Variants in RIOK3 observed in about 807,000 individuals in gnomAD.
The protein encoded by RIOK3 is RIO kinase 3.
In RIOK3, 40 loss-of-function variants were observed where a neutral mutation model predicts 63.5. That is an observed-to-expected ratio of 0.63 (90% CI 0.49 to 0.82). RIOK3 has a LOEUF of 0.82. RIOK3 is among the 40% of genes least tolerant of loss of function. The pLI is 0.00. For missense variants in RIOK3, 557 were observed against 637.0 expected, an observed-to-expected ratio of 0.87 and a Z score of 1.35; for synonymous variants, 193 against 205.0, an observed-to-expected ratio of 0.94 and a Z score of 0.50.
intron 1 of RIOK3, among the ~76,000 whole-genome samples, chr18:23,459,166 T>G (rs1056940030): frequency 3.3e-5 from 5 of 152,238 alleles, no homozygotes; most frequent in Non-Finnish European, 4.4e-5. Flanking sequence ...TTGCCTCTTC[T>G]GACAAATTGT....
chr18:23,474,120 T>G lies in RIOK3; in HGVS notation c.1013+494T>G, dbSNP rs188438159. Among the ~76,000 whole-genome samples, 11 of 152,332 alleles carry G rather than the reference T, an allele frequency of 7.2e-5. No individual in the cohort carries two copies. In the East Asian group the frequency reaches 2.1e-3, roughly 29 times the overall value. ...GTAATAATCCTTCTCATTAAAAACCTTTCTATTATCTTAATTTATTAAAAG... is the reference window on the plus strand; with the variant it reads ...GTAATAATCCTTCTCATTAAAAACCGTTCTATTATCTTAATTTATTAAAAG... On this transcript the variant is annotated intron_variant, in intron 8 of 12. Coordinates refer to ENST00000339486, the MANE Select transcript of RIOK3 (RefSeq NM_003831.5).
At chr18:23,479,156 A>G in intron 11 of RIOK3, 161 bp from the exon 12 acceptor site, 2 of 531,570 alleles carry the variant, frequency 3.8e-6, no homozygotes, top group Non-Finnish European at 6.9e-6. Context: ...GGTTATTCCT[A>G]ATGATTCTGC....
Position 23,464,216 on chromosome 18 carries a change from C to T in RIOK3, c.336C>T (p.Ser112=). Residue 112 remains serine, a synonymous_variant, in exon 4 of 13, where the codon TCC becomes TCT. Transcript: ENST00000339486. ...TTTTTGCTTCTTAAGTTTCCATTTC[C>T]TTTGAAAATTATCGAAAAGTGCATC... is the stretch of plus-strand genomic sequence containing the variant. ...KFNGDSKVSI[S]FENYRKVHPY... 6.2e-7 allele frequency: 1 copy of T among 1,612,996 alleles called. No individual in the cohort carries two copies. The highest frequency in any genetic ancestry group is 8.5e-7 in the Non-Finnish European group (1 of 1,179,618).
At chr18:23,467,709 C>T (rs1192391225) in intron 7 of RIOK3, 183 bp downstream of exon 7, 1 of 331,934 alleles carries the variant, frequency 3.0e-6, no homozygotes, top group Admixed American at 4.8e-5. Context: ...ATACCACCAC[C>T]CAGAGATAAT....
At chr18:23,472,469 A>G (rs2057462667) in intron 7 of RIOK3, among the ~76,000 whole-genome samples, 1 of 152,176 alleles carries the variant, frequency 6.6e-6, no homozygotes, top group African/African-American at 2.4e-5. Flanking sequence ...ACATCCTATC[A>G]GATATTTAAA....
Position 23,463,046 on chromosome 18 carries a change from TAGA to T in RIOK3, c.155_157del (p.Glu52del), listed in dbSNP as rs754922698. ...GAACAGCTGGCCAAAGAATTGCAGT[TAGA>T]AGAAGAAGCTGCCGTTTTTCCTGAA... On this transcript the variant is annotated inframe_deletion, in exon 2 of 13. Transcript: ENST00000339486. 8.1e-6 allele frequency: 13 copies of T among 1,609,954 alleles called. No individual in the cohort carries two copies. Among genetic ancestry groups the T allele is most frequent in the Non-Finnish European group, 1.1e-5 (13 of 1,178,546 alleles).
intron 7 of RIOK3, among the ~76,000 whole-genome samples, chr18:23,469,370 CCT>C (rs2057437132): frequency 2.2e-4 from 1 of 4,560 alleles, no homozygotes; most frequent in Non-Finnish European, 4.2e-4. Context: ...TCCCTCCCTC[CCT>C]CCCTCCCCTC....
chr18:23,477,190 C>G lies in RIOK3; in HGVS notation c.1266C>G (p.Ile422Met). The G allele has an allele frequency of 1.2e-6, 2 of 1,613,888 alleles. No individual in the cohort carries two copies. The highest frequency in any genetic ancestry group is 1.7e-6 in the Non-Finnish European group (2 of 1,179,828). The change falls in exon 11 of 13, where the codon ATC (isoleucine) becomes ATG (methionine). Residue 422 changes from isoleucine (I) to methionine (M), a missense_variant. Physicochemically the swap from Ile to Met is conservative, Grantham distance 10. Coordinates refer to ENST00000339486, the MANE Select transcript of RIOK3 (RefSeq NM_003831.5). ...CTGTATTGAAATAGGTCTGGTTGAT[C>G]GATGTCAGTCAGTCAGTAGAACCTA... ...MLWHAGKVWL[I>M]DVSQSVEPTH... is the part of the protein sequence containing the mutation.
In RIOK3 at chr18:23,475,279, G is replaced by T. The variant is rs368284895; in HGVS notation, c.1173+172G>T. Among the ~76,000 whole-genome samples the T allele has an allele frequency of 4.1e-4, 62 of 152,062 alleles. 1 individual carries two copies. The South Asian group carries it at 0.012, about 30-fold the overall frequency. The stretch of plus-strand genomic sequence containing the variant: ...AGCCCAGGAGTTTGAGACCAGCCTG[G>T]GCAACATGGTGAAACCCTGTCTCTA... On this transcript the variant is annotated intron_variant, in intron 9 of 12. Transcript: ENST00000339486.
At chr18:23,464,860 CT>C (rs1452828693) in intron 5 of RIOK3, among the ~76,000 whole-genome samples, 2 of 152,074 alleles carry the variant, frequency 1.3e-5, no homozygotes, top group Non-Finnish European at 2.9e-5. Flanking sequence ...CACATTGATT[CT>C]AAAATTAATA....
At chr18:23,477,291 C>A (rs780556860) in intron 11 of RIOK3, 23 bp downstream of exon 11, 2 of 1,578,386 alleles carry the variant, frequency 1.3e-6, no homozygotes, top group African/African-American at 1.3e-5. Context: ...ACCAATATGC[C>A]TTTTTTTGTT....
At chr18:23,477,944 T>C (rs1021814918) in intron 11 of RIOK3, among the ~76,000 whole-genome samples, 13 of 150,144 alleles carry the variant, frequency 8.7e-5, no homozygotes, top group Non-Finnish European at 1.6e-4. Flanking sequence ...CGGTAGCGTG[T>C]GCCTGTAATC....
At chr18:23,475,928 T>C (rs1249259230) in intron 9 of RIOK3, among the ~76,000 whole-genome samples, 8 of 148,812 alleles carry the variant, frequency 5.4e-5, no homozygotes, top group Middle Eastern at 6.9e-3. Context: ...ATGAATGTTA[T>C]AGTTTTTTGG....
At chr18:23,476,520 G>A (rs2057491944) in intron 9 of RIOK3, among the ~76,000 whole-genome samples, 1 of 152,124 alleles carries the variant, frequency 6.6e-6, no homozygotes, top group East Asian at 1.9e-4. Flanking sequence ...TTGGGAGGTG[G>A]GGTGGCTGGG....
intron 11 of RIOK3, among the ~76,000 whole-genome samples, chr18:23,477,828 G>A (rs1226130541): frequency 2.0e-5 from 3 of 151,752 alleles, no homozygotes; most frequent in Non-Finnish European, 2.9e-5. Context: ...CCAGCACTTT[G>A]GGAGGCCAAG....
At chr18:23,481,024 G>A (rs1033310351) in intron 12 of RIOK3, 148 bp from the exon 13 acceptor site, 1 of 575,330 alleles carries the variant, frequency 1.7e-6, no homozygotes. Context: ...AGGTTGCAGT[G>A]AGCCGAGATT....
At position 23,453,374 on chromosome 18, in the gene RIOK3, T is replaced by C. The variant is rs1161022964; in HGVS notation, c.-66T>C. Reference sequence around the variant, plus strand: ...AGTCGCCCGTGTCCCGCCTGTCTCCTCGGCGGAGCCTGCTGCCCGTCCTGC... The same window carrying C: ...AGTCGCCCGTGTCCCGCCTGTCTCCCCGGCGGAGCCTGCTGCCCGTCCTGC... On this transcript the variant is annotated 5_prime_UTR_variant, in exon 1 of 13. Coordinates refer to ENST00000339486, the MANE Select transcript of RIOK3 (RefSeq NM_003831.5). 7.4e-7 allele frequency: 1 copy of C among 1,346,518 alleles called. No individual in the cohort carries two copies. Among genetic ancestry groups the C allele is most frequent in the Non-Finnish European group, 1.1e-6 (1 of 939,440 alleles). The allele number at this position is 1,346,518 out of a possible 1,614,324, so 83.4% of individuals were successfully genotyped here. A position where few individuals can be genotyped will look rare whatever the true frequency, so the allele number is the denominator to read the frequency against.
At chr18:23,472,488 T>C (rs1291933435) in intron 7 of RIOK3, among the ~76,000 whole-genome samples, 1 of 152,140 alleles carries the variant, frequency 6.6e-6, no homozygotes, top group Admixed American at 6.6e-5. Context: ...AAGGTAAATA[T>C]TAATATTGTT....
chr18:23,465,699 C>T (rs573526333), intron 5 of RIOK3, among the ~76,000 whole-genome samples: 1 of 152,138 alleles, frequency 6.6e-6, no homozygotes, highest in South Asian at 2.1e-4. Flanking sequence ...TAGTGGCTAC[C>T]TAACTGAATT....
Sources: gnomAD v4.1 joint callset for allele counts (sites outside exome capture counted in the v4.1 genomes callset) on GRCh38, gnomAD v4.1.1 for gene constraint, MANE v1.5 for transcripts, NCBI Gene and HGNC (gene_info 2026-07-23, HGNC 2026-07-21) for gene names.